ST6GAL1: variants seen among roughly 807,000 people sequenced by gnomAD.
The protein encoded by ST6GAL1 is ST6 beta-galactoside alpha-2,6-sialyltransferase 1, also known as beta-galactoside alpha-2,6-sialyltransferase 1.
Under a neutral mutation model 38.0 loss-of-function variants are expected in ST6GAL1, and 20 were observed. The observed-to-expected ratio is 0.53, with a 90% CI of 0.37 to 0.77. The LOEUF is 0.77. ST6GAL1 is among the 30% of genes least tolerant of loss of function. The pLI, the probability that ST6GAL1 is intolerant of heterozygous loss-of-function variation, is 0.00. For synonymous variants in ST6GAL1, 196 were observed against 188.2 expected, an observed-to-expected ratio of 1.04 and a Z score of -0.34; for missense variants, 432 against 496.4, an observed-to-expected ratio of 0.87 and a Z score of 1.23.
chr3:187,024,984 G>GGTGC (rs1553827907), intron 2 of ST6GAL1: 15,115 of 127,628 alleles, frequency 0.12, 949 homozygotes, highest in Non-Finnish European at 0.15. Context: ...GGCAGAACCT[G>GGTGC]GTGCGTGTGT....
intron 2 of ST6GAL1, among the ~76,000 whole-genome samples, chr3:186,980,467 AG>A (rs1241599665): frequency 3.3e-5 from 5 of 152,124 alleles, no homozygotes; most frequent in African/African-American, 4.8e-5. Context: ...TAGATTTTAA[AG>A]ATAGAGGTCG....
chr3:186,997,777 T>G (rs1716469332), intron 2 of ST6GAL1, among the ~76,000 whole-genome samples: 1 of 151,634 alleles, frequency 6.6e-6, no homozygotes, highest in South Asian at 2.1e-4. Context: ...AAAAAAAGAT[T>G]TTAGACAGTG....
chr3:186,938,169 T>C (rs999174790), intron 1 of ST6GAL1, among the ~76,000 whole-genome samples: 1 of 152,356 alleles, frequency 6.6e-6, no homozygotes, highest in South Asian at 2.1e-4. Context: ...TTGAAATTAC[T>C]GGGTTATACT....
chr3:187,019,227 T>C (rs1315781679), intron 2 of ST6GAL1, among the ~76,000 whole-genome samples: 1 of 152,248 alleles, frequency 6.6e-6, no homozygotes, highest in Non-Finnish European at 1.5e-5. Context: ...AATTAGGGTG[T>C]GCTTCTGTTG....
chr3:186,974,476 T>C (rs1170200624), intron 2 of ST6GAL1, among the ~76,000 whole-genome samples: 1 of 152,140 alleles, frequency 6.6e-6, no homozygotes, highest in East Asian at 1.9e-4. Context: ...TTTATTGAGG[T>C]ACAGTTTATA....
At chr3:186,990,582 C>A (rs1478954253) in intron 2 of ST6GAL1, among the ~76,000 whole-genome samples, 1 of 151,860 alleles carries the variant, frequency 6.6e-6, no homozygotes, top group Non-Finnish European at 1.5e-5. Context: ...GAGTTCTCTA[C>A]CTCACCTCAA....
chr3:187,051,388 A>G, intron 5 of ST6GAL1, 42 bp downstream of exon 5: 1 of 1,574,098 alleles, frequency 6.4e-7, no homozygotes, highest in Non-Finnish European at 8.7e-7. Flanking sequence ...GAGAAGGACC[A>G]CAGTGTGGGC....
At chr3:187,054,386 A>G (rs562265318) in intron 5 of ST6GAL1, among the ~76,000 whole-genome samples, 10 of 152,296 alleles carry the variant, frequency 6.6e-5, no homozygotes, top group Non-Finnish European at 1.0e-4. Context: ...CTAGTTTTCA[A>G]AGGGAATGCT....
intron 2 of ST6GAL1, among the ~76,000 whole-genome samples, chr3:187,004,962 A>G (rs1716733298): frequency 6.6e-6 from 1 of 152,190 alleles, no homozygotes; most frequent in Non-Finnish European, 1.5e-5. Flanking sequence ...ATGAAAATGC[A>G]GAGATAAATG....
chr3:187,077,046 T>G lies in ST6GAL1; in HGVS notation c.*1243T>G, dbSNP rs1719588236. 2.5e-6 allele frequency: 1 copy of G among 398,842 alleles called. No individual in the cohort carries two copies. 24.7% of individuals were successfully genotyped at this position (398,842 alleles called of 1,614,324 possible). On this transcript the variant is annotated 3_prime_UTR_variant, in exon 8 of 8. Coordinates refer to ENST00000169298, the MANE Select transcript of ST6GAL1 (RefSeq NM_173216.2). ...CCAATTTCTTTGAGCTCACGGGCCT[T>G]TTGCTGAAGGTCTCTCAGGGTGTAG...
intron 5 of ST6GAL1, among the ~76,000 whole-genome samples, chr3:187,068,726 G>A (rs563404053): frequency 4.6e-5 from 7 of 152,184 alleles, no homozygotes; most frequent in South Asian, 2.1e-4. Flanking sequence ...GCTATAGCAG[G>A]GGGAGACATT....
chr3:186,986,089 A>G (rs1715909352), intron 2 of ST6GAL1, among the ~76,000 whole-genome samples: 1 of 152,228 alleles, frequency 6.6e-6, no homozygotes, highest in Admixed American at 6.5e-5. Flanking sequence ...AGGAACCAGT[A>G]GAAAGTGGGG....
chr3:186,945,782 C>G (rs886391538), intron 1 of ST6GAL1, among the ~76,000 whole-genome samples: 1 of 144,626 alleles, frequency 6.9e-6, no homozygotes, highest in Non-Finnish European at 1.5e-5. Context: ...ATCAGGAGAT[C>G]GAGACCATCC....
chr3:186,954,834 A>T (rs1714695851), intron 1 of ST6GAL1, among the ~76,000 whole-genome samples: 1 of 152,130 alleles, frequency 6.6e-6, no homozygotes, highest in African/African-American at 2.4e-5. Flanking sequence ...CTTTAGTTTA[A>T]TCAGATCCCA....
At chr3:187,048,862 C>T (rs1718401744) in intron 4 of ST6GAL1, among the ~76,000 whole-genome samples, 1 of 147,758 alleles carries the variant, frequency 6.8e-6, no homozygotes, top group East Asian at 1.9e-4. Flanking sequence ...CCATCTGGCT[C>T]TGTCCCTGAG....
At chr3:187,027,234 T>G (rs945255385) in intron 2 of ST6GAL1, among the ~76,000 whole-genome samples, 2 of 152,160 alleles carry the variant, frequency 1.3e-5, no homozygotes, top group Non-Finnish European at 2.9e-5. Flanking sequence ...TACACTCCAT[T>G]TCTGTACTTT....
Position 186,930,837 on chromosome 3 carries a change from G to C in ST6GAL1, c.-325+3G>C, listed in dbSNP as rs1290758462. ...CTCCGCGGCCGAGAGTGCAGCGAGT[G>C]AGTAGGGGGTGCGGTGGGCGGCGGC... On this transcript the variant is annotated splice_donor_region_variant and intron_variant, in intron 1 of 7. Coordinates refer to ENST00000169298, the MANE Select transcript of ST6GAL1 (RefSeq NM_173216.2). The C allele has an allele frequency of 6.5e-6, 1 of 152,696 alleles. No homozygotes were observed. Among genetic ancestry groups the C allele is most frequent in the Non-Finnish European group, 1.5e-5 (1 of 68,372 alleles). The allele number at this position is 152,696 out of a possible 1,614,324, so 9.5% of individuals were successfully genotyped here.
At chr3:186,987,098 T>A (rs73069475) in intron 2 of ST6GAL1, among the ~76,000 whole-genome samples, 9,685 of 143,670 alleles carry the variant, frequency 0.067, 1,046 homozygotes, top group African/African-American at 0.23. Context: ...TTACCATTTC[T>A]GAGAGAAGTC....
intron 5 of ST6GAL1, among the ~76,000 whole-genome samples, chr3:187,065,104 T>G (rs1579377304): frequency 6.6e-6 from 1 of 152,056 alleles, no homozygotes; most frequent in South Asian, 2.1e-4. Context: ...GTTCAAGTGA[T>G]TCCCCTGCCT....
Sources: allele counts gnomAD v4.1 joint callset (sites outside exome capture counted in the v4.1 genomes callset), GRCh38; gene constraint gnomAD v4.1.1; transcripts MANE v1.5; gene names NCBI Gene and HGNC (gene_info 2026-07-23, HGNC 2026-07-21).